The following SGCZ variants were observed in gnomAD, a reference collection of about 807,000 sequenced individuals.
SGCZ encodes zeta-sarcoglycan.
In SGCZ, 40 loss-of-function variants were observed where a neutral mutation model predicts 41.3. That is an observed-to-expected ratio of 0.97 (90% CI 0.75 to 1.26). The LOEUF (loss-of-function observed/expected upper bound fraction) is 1.26, where lower values mean the gene tolerates loss of function less well. SGCZ is among the 50% of genes most tolerant of loss of function. The pLI is 0.00. For missense variants in SGCZ, 552 were observed against 369.8 expected, an observed-to-expected ratio of 1.49 and a Z score of -4.04; for synonymous variants, 206 against 137.5, an observed-to-expected ratio of 1.50 and a Z score of -3.49.
At chr8:15,132,006 C>G (rs1254086491) in intron 1 of SGCZ, among the ~76,000 whole-genome samples, 1 of 152,144 alleles carries the variant, frequency 6.6e-6, no homozygotes, top group Admixed American at 6.5e-5. Context: ...CACCTTCCAG[C>G]CATTTTCTAG....
At chr8:14,591,899 T>C (rs1585106744) in intron 1 of SGCZ, among the ~76,000 whole-genome samples, 5 of 152,256 alleles carry the variant, frequency 3.3e-5, no homozygotes, top group African/African-American at 1.2e-4. Context: ...ACAATTAGAT[T>C]ACTACAGGGA....
chr8:14,898,339 G>A (rs1288338849), intron 1 of SGCZ, among the ~76,000 whole-genome samples: 4 of 152,172 alleles, frequency 2.6e-5, no homozygotes, highest in South Asian at 2.1e-4. Context: ...TCAACAGCCT[G>A]TGCCAGGGTG....
intron 1 of SGCZ, among the ~76,000 whole-genome samples, chr8:15,164,194 T>C (rs1007489008): frequency 4.6e-5 from 7 of 152,182 alleles, no homozygotes; most frequent in Non-Finnish European, 8.8e-5. Context: ...TCCTGTAACA[T>C]TTTTGGTGCC....
intron 4 of SGCZ, among the ~76,000 whole-genome samples, chr8:14,212,955 A>G (rs1805866591): frequency 1.3e-5 from 2 of 152,258 alleles, no homozygotes; most frequent in South Asian, 4.1e-4. Flanking sequence ...GATTAATAGT[A>G]GAATGGAAAT....
chr8:14,493,942 A>G (rs1419821042), intron 2 of SGCZ, among the ~76,000 whole-genome samples: 2 of 152,202 alleles, frequency 1.3e-5, no homozygotes, highest in African/African-American at 4.8e-5. Context: ...CAGTACAAGT[A>G]CTAATTCAGC....
At chr8:14,515,679 G>C (rs1802599629) in intron 2 of SGCZ, among the ~76,000 whole-genome samples, 1 of 152,068 alleles carries the variant, frequency 6.6e-6, no homozygotes, top group Admixed American at 6.6e-5. Context: ...CTGGGTCTTT[G>C]AGACCTGTGT....
intron 1 of SGCZ, among the ~76,000 whole-genome samples, chr8:14,571,897 G>A (rs892199866): frequency 1.3e-5 from 2 of 152,038 alleles, no homozygotes; most frequent in Non-Finnish European, 2.9e-5. Flanking sequence ...ATACTTGCTT[G>A]TTTATTTATT....
intron 1 of SGCZ, among the ~76,000 whole-genome samples, chr8:15,136,478 G>A (rs1031451508): frequency 6.6e-6 from 1 of 151,894 alleles, no homozygotes; most frequent in Non-Finnish European, 1.5e-5. Context: ...TCAGGGAAGG[G>A]CATTGATATT....
At chr8:14,798,901 T>A (rs1801223212) in intron 1 of SGCZ, among the ~76,000 whole-genome samples, 1 of 149,110 alleles carries the variant, frequency 6.7e-6, no homozygotes, top group Non-Finnish European at 1.5e-5. Flanking sequence ...ATATGTTACA[T>A]AATTAATAAA....
chr8:14,260,906 A>G (rs71524117), intron 3 of SGCZ, among the ~76,000 whole-genome samples: 25,950 of 151,870 alleles, frequency 0.17, 2,346 homozygotes, highest in Admixed American at 0.23. Context: ...ATGAGATCAC[A>G]TGGACACAGG....
At chr8:15,011,869 G>T (rs1157153687) in intron 1 of SGCZ, among the ~76,000 whole-genome samples, 1 of 152,064 alleles carries the variant, frequency 6.6e-6, no homozygotes, top group African/African-American at 2.4e-5. Flanking sequence ...AAAATTATCG[G>T]TGCATTTGTA....
intron 1 of SGCZ, among the ~76,000 whole-genome samples, chr8:14,777,092 C>A (rs182174480): frequency 1.3e-5 from 2 of 152,270 alleles, no homozygotes; most frequent in East Asian, 3.9e-4. Context: ...TGAATACAGA[C>A]TGTTATCAGA....
chr8:14,535,169 T>C (rs1427288082), intron 2 of SGCZ, among the ~76,000 whole-genome samples: 1 of 152,010 alleles, frequency 6.6e-6, no homozygotes, highest in East Asian at 1.9e-4. Context: ...TTATTAAAAT[T>C]ATGAGTTATT....
In SGCZ at chr8:14,086,890, C is replaced by G. The variant is rs997287223; in HGVS notation, c.*3553G>C. 6.6e-6 allele frequency among the ~76,000 whole-genome samples: 1 copy of G among 151,538 alleles called. No homozygotes were observed. Among genetic ancestry groups the G allele is most frequent in the Admixed American group, 6.6e-5 (1 of 15,166 alleles). On this transcript the variant is annotated 3_prime_UTR_variant, in exon 8 of 8. Coordinates refer to ENST00000382080, the MANE Select transcript of SGCZ (RefSeq NM_139167.4). Reference sequence around the variant, plus strand: ...TTTATGAGTGCTTCCTTAACTGAATCAGAAAAACTTAAAAATGAATGTGAC... The same window carrying G: ...TTTATGAGTGCTTCCTTAACTGAATGAGAAAAACTTAAAAATGAATGTGAC...
At chr8:14,747,014 A>T (rs1799356145) in intron 1 of SGCZ, among the ~76,000 whole-genome samples, 1 of 152,194 alleles carries the variant, frequency 6.6e-6, no homozygotes, top group African/African-American at 2.4e-5. Context: ...TTTTCCTGGG[A>T]ACAAATTATG....
intron 1 of SGCZ, among the ~76,000 whole-genome samples, chr8:15,005,322 C>CTTTTT (rs1491143870): frequency 2.6e-5 from 3 of 116,280 alleles, no homozygotes; most frequent in African/African-American, 1.1e-4. Context: ...CCGTTTTTTT[C>CTTTTT]TTTTTCTTTT....
intron 2 of SGCZ, among the ~76,000 whole-genome samples, chr8:14,407,288 C>T (rs1233051050): frequency 3.3e-5 from 5 of 151,836 alleles, no homozygotes; most frequent in East Asian, 1.9e-4. Flanking sequence ...AGGCTGGTCA[C>T]GAACTCTTGA....
intron 5 of SGCZ, 137 bp downstream of exon 5, chr8:14,164,443 A>G: frequency 3.0e-6 from 3 of 1,008,950 alleles, no homozygotes; most frequent in South Asian, 1.8e-5. Context: ...TTTGAAGGCT[A>G]CTTGAAGAAC....
At chr8:14,853,302 C>T in intron 1 of SGCZ, 1 of 236,278 alleles carries the variant, frequency 4.2e-6, no homozygotes. Context: ...AGACAAGCTT[C>T]CAAACACAGG....
Sources: allele counts gnomAD v4.1 joint callset (sites outside exome capture counted in the v4.1 genomes callset), GRCh38; gene constraint gnomAD v4.1.1; transcripts MANE v1.5; gene names NCBI Gene and HGNC (gene_info 2026-07-23, HGNC 2026-07-21).